Variants in ANK2 observed in about 807,000 individuals in gnomAD.
ANK2 encodes the protein ankyrin-2.
Under a neutral mutation model 360.5 loss-of-function variants are expected in ANK2, and 83 were observed. The ratio of observed to expected loss-of-function variants is 0.23; its 90% CI spans 0.19 to 0.28. The LOEUF is 0.28. Ranked by LOEUF, ANK2 falls within the 10% of genes least tolerant of loss-of-function variation. The pLI is 1.00. For synonymous variants in ANK2, 1,740 were observed against 1,759.5 expected (o/e 0.99, Z 0.28); for missense variants, 4,201 against 4,795.7 (o/e 0.88, Z 3.66).
chr4:113,210,238 G>A (rs1319282203), intron 4 of ANK2, among the ~76,000 whole-genome samples: 1 of 152,172 alleles, frequency 6.6e-6, no homozygotes, highest in Non-Finnish European at 1.5e-5. Context: ...TCCCTGCTCT[G>A]TCTTCTATTT....
At chr4:112,724,064 CTTTT>C in the ANK2 span, among the ~76,000 whole-genome samples, 2 of 135,126 alleles carry the variant, frequency 1.5e-5, no homozygotes. Context: ...CAGGAAAAAT[CTTTT>C]TTTTTTTTTT....
the ANK2 span, among the ~76,000 whole-genome samples, chr4:112,762,181 G>A: frequency 6.6e-6 from 1 of 152,076 alleles, no homozygotes; most frequent in Non-Finnish European, 1.5e-5. Flanking sequence ...AGAACTCAAA[G>A]GGCTATTTAT....
At chr4:112,776,582 T>C in the ANK2 span, among the ~76,000 whole-genome samples, 2 of 152,208 alleles carry the variant, frequency 1.3e-5, no homozygotes, top group African/African-American at 4.8e-5. Context: ...TTTCTTGTAC[T>C]TGCTGTTTTT....
intron 2 of ANK2, among the ~76,000 whole-genome samples, chr4:112,972,364 G>A (rs891985758): frequency 6.6e-6 from 1 of 151,960 alleles, no homozygotes; most frequent in Non-Finnish European, 1.5e-5. Context: ...CCCTCAACAG[G>A]CCCCGGTGTG....
chr4:113,123,873 CTAATTTTTTCA>C (rs1399192326), intron 1 of ANK2, among the ~76,000 whole-genome samples: 1 of 152,080 alleles, frequency 6.6e-6, no homozygotes, highest in African/African-American at 2.4e-5. Flanking sequence ...CAGTATGACT[CTAATTTTTTCA>C]TGTGTAGATA....
intron 4 of ANK2, among the ~76,000 whole-genome samples, chr4:113,224,896 T>TAA (rs1466307894): frequency 1.7e-4 from 23 of 133,500 alleles, no homozygotes; most frequent in African/African-American, 6.0e-4. Flanking sequence ...TTTTTTTTTT[T>TAA]AATTTTAAGA....
At chr4:112,876,470 A>G (rs1440561291) in intron 1 of ANK2, among the ~76,000 whole-genome samples, 1 of 152,106 alleles carries the variant, frequency 6.6e-6, no homozygotes, top group Non-Finnish European at 1.5e-5. Flanking sequence ...AACTGCGGGG[A>G]TGGAAAAAGC....
intron 4 of ANK2, among the ~76,000 whole-genome samples, chr4:113,203,526 G>C (rs2098887636): frequency 6.6e-6 from 1 of 151,802 alleles, no homozygotes; most frequent in South Asian, 2.1e-4. Flanking sequence ...ATAGTTTCAG[G>C]ATTATGCATA....
At chr4:112,989,249 G>A (rs1339552164) in intron 2 of ANK2, among the ~76,000 whole-genome samples, 1 of 152,102 alleles carries the variant, frequency 6.6e-6, no homozygotes, top group African/African-American at 2.4e-5. Flanking sequence ...TAATATAGCT[G>A]AAACTCATAT....
intron 2 of ANK2, among the ~76,000 whole-genome samples, chr4:113,190,783 C>T (rs1396799726): frequency 6.6e-6 from 1 of 152,028 alleles, no homozygotes; most frequent in Non-Finnish European, 1.5e-5. Context: ...TAGAACAGAA[C>T]CTGACACAGA....
intron 2 of ANK2, among the ~76,000 whole-genome samples, chr4:112,976,884 A>C (rs1411846107): frequency 1.3e-5 from 2 of 152,174 alleles, no homozygotes; most frequent in African/African-American, 4.8e-5. Flanking sequence ...CCTTGGACTC[A>C]TTTCCTTGAA....
intron 7 of ANK2, among the ~76,000 whole-genome samples, chr4:113,238,246 T>C (rs2099399379): frequency 6.6e-6 from 1 of 152,216 alleles, no homozygotes; most frequent in Non-Finnish European, 1.5e-5. Flanking sequence ...TGTATATGTA[T>C]GTATTTAGTA....
chr4:113,304,995 A>G (rs569206271), intron 23 of ANK2, among the ~76,000 whole-genome samples: 55 of 152,350 alleles, frequency 3.6e-4, no homozygotes, highest in African/African-American at 1.2e-3. Context: ...GGAGAATTCC[A>G]TTAGTTAATA....
rs367583875 is a variant in ANK2, at chr4:113,318,619, G to C, written c.2899G>C (p.Gly967Arg). ...TCTTTCTTCTAGTCCTATTCATTCA[G>C]GGTGAGTAAATCAATATTATGTATC... ...VALSSSPIHSGFLVSFMVDAR... is the reference protein window; with the variant it reads ...VALSSSPIHSRFLVSFMVDAR... Residue 967 changes from glycine (G) to arginine (R), a missense_variant and splice_region_variant, in exon 26 of 46, where the codon GGT (glycine) becomes CGT (arginine). Gly to Arg is a moderately radical substitution (Grantham distance 125). Around this residue, in one of 4 missense-constraint regions of ANK2, gnomAD observed 1,268 missense variants for 1,650.8 expected, o/e 0.77. Transcript: ENST00000357077. The C allele has an allele frequency of 6.2e-6, 10 of 1,605,994 alleles. 1 individual carries two copies. Among genetic ancestry groups the C allele is most frequent in the Middle Eastern group, 3.3e-4 (2 of 6,066 alleles).
At chr4:113,328,405 C>T (rs1020520416) in intron 26 of ANK2, among the ~76,000 whole-genome samples, 2 of 151,948 alleles carry the variant, frequency 1.3e-5, no homozygotes, top group African/African-American at 4.8e-5. Flanking sequence ...CAAATAAGAA[C>T]AATAAAATGG....
chr4:113,234,797 G>A (rs553891305), intron 5 of ANK2, among the ~76,000 whole-genome samples: 8 of 152,320 alleles, frequency 5.3e-5, no homozygotes, highest in Non-Finnish European at 1.0e-4. Context: ...AATATTTGAA[G>A]TTTTTAAATT....
chr4:113,339,752 AT>A lies in ANK2; in HGVS notation c.3893+433del, dbSNP rs2094031375. On this transcript the variant is annotated intron_variant, in intron 32 of 45. Transcript: ENST00000357077. The stretch of plus-strand genomic sequence containing the variant: ...TCAGTGGCTCTTATATACATTTCTT[AT>A]TTATGTATTACATATCTTTAAAACG... Among the ~76,000 whole-genome samples, 3 of 152,210 alleles carry A rather than the reference AT, an allele frequency of 2.0e-5. No individual in the cohort carries two copies. The South Asian group carries it at 6.2e-4, about 31-fold the overall frequency.
rs2036432099 is a variant in ANK2, at chr4:112,964,619, G to A, written c.21+60105G>A. ...AGAGTCTCGCTCTGTTGCCCAGGCT[G>A]GAGTGCAGTGGCACATCTCAGCTCA... On this transcript the variant is annotated intron_variant, in intron 2 of 30. Transcript: ENST00000503271. Among the ~76,000 whole-genome samples, 4 of 145,234 alleles carry A rather than the reference G, an allele frequency of 2.8e-5. No homozygotes were observed. The South Asian group carries it at 8.7e-4, about 32-fold the overall frequency.
chr4:112,981,483 C>G lies in ANK2; in HGVS notation c.21+76969C>G, dbSNP rs1582471963. ...GGGTGATAACCTGGAATGAAAGCGA[C>G]CTTGCAGAGGTGGAACCATGGGATT... On this transcript the variant is annotated intron_variant, in intron 2 of 30. Coordinates refer to the ANK2 transcript ENST00000503271. Among the ~76,000 whole-genome samples, 3 of 152,194 alleles carry G rather than the reference C, an allele frequency of 2.0e-5. No individual in the cohort carries two copies. The South Asian group carries it at 6.2e-4, about 32-fold the overall frequency.
Sources: gnomAD v4.1 joint callset for allele counts (sites outside exome capture counted in the v4.1 genomes callset) on GRCh38, gnomAD v4.1.1 for gene constraint, gnomAD v4.1.1 regional missense constraint, MANE v1.5 for transcripts, NCBI Gene and HGNC (gene_info 2026-07-23, HGNC 2026-07-21) for gene names.